The following PGBD5 variants were observed in gnomAD, a reference collection of about 807,000 sequenced individuals.
PGBD5 encodes the protein piggyBac transposable element-derived protein 5.
In PGBD5, 14 loss-of-function variants were observed where a neutral mutation model predicts 47.9. That is an observed-to-expected ratio of 0.29 (90% CI 0.19 to 0.46). The LOEUF is 0.46. PGBD5 is among the 20% of genes least tolerant of loss of function. PGBD5 has a pLI of 1.00. For synonymous variants in PGBD5, 316 were observed against 306.3 expected (o/e 1.03, Z -0.33); for missense variants, 635 against 716.0 (o/e 0.89, Z 1.29).
At chr1:230,324,829 C>T (rs1412091712) in intron 6 of PGBD5, among the ~76,000 whole-genome samples, 1 of 152,208 alleles carries the variant, frequency 6.6e-6, no homozygotes, top group Non-Finnish European at 1.5e-5. Context: ...CATGAGACCA[C>T]ATCTGGTGAT....
At chr1:230,415,400 C>A (rs541861550) in intron 1 of PGBD5, among the ~76,000 whole-genome samples, 14 of 152,328 alleles carry the variant, frequency 9.2e-5, no homozygotes, top group African/African-American at 2.6e-4. Flanking sequence ...CTCTTTGTAA[C>A]CCTGTTTCTC....
intron 1 of PGBD5, among the ~76,000 whole-genome samples, chr1:230,414,210 T>C (rs896277845): frequency 6.6e-6 from 1 of 152,098 alleles, no homozygotes; most frequent in East Asian, 1.9e-4. Context: ...CTCTGGGAGA[T>C]GACAATCTAG....
chr1:230,392,537 GC>G (rs1272279383), intron 1 of PGBD5, among the ~76,000 whole-genome samples: 3 of 152,202 alleles, frequency 2.0e-5, no homozygotes, highest in Admixed American at 1.3e-4. Context: ...GCTCGCAGGA[GC>G]CCTGGGAGGG....
chr1:230,365,092 C>A (rs979744964), intron 1 of PGBD5, among the ~76,000 whole-genome samples: 4 of 149,324 alleles, frequency 2.7e-5, no homozygotes, highest in African/African-American at 9.9e-5. Context: ...GGTGGGTGGA[C>A]CACGAGGTCA....
intron 5 of PGBD5, among the ~76,000 whole-genome samples, chr1:230,330,239 T>G (rs1256865435): frequency 6.6e-6 from 1 of 152,154 alleles, no homozygotes; most frequent in African/African-American, 2.4e-5. Flanking sequence ...AATAAAAAAG[T>G]AGTGCCGGTA....
intron 1 of PGBD5, among the ~76,000 whole-genome samples, chr1:230,392,479 C>G (rs1339035988): frequency 6.6e-6 from 1 of 152,342 alleles, no homozygotes; most frequent in African/African-American, 2.4e-5. Flanking sequence ...TCTTCTCCCC[C>G]TCCAAAGCTG....
At chr1:230,346,163 C>T (rs1667470630) in intron 3 of PGBD5, among the ~76,000 whole-genome samples, 1 of 152,184 alleles carries the variant, frequency 6.6e-6, no homozygotes, top group Non-Finnish European at 1.5e-5. Flanking sequence ...CCGCCTCAGC[C>T]ACCCAAGTAG....
chr1:230,367,947 G>A (rs754947811), intron 1 of PGBD5: 1 of 1,365,946 alleles, frequency 7.3e-7, no homozygotes, highest in Non-Finnish European at 9.8e-7. Context: ...ACGCAAGCTG[G>A]CACACCAAGG....
chr1:230,370,709 T>A (rs1248441920), intron 1 of PGBD5, among the ~76,000 whole-genome samples: 1 of 152,234 alleles, frequency 6.6e-6, no homozygotes, highest in Non-Finnish European at 1.5e-5. Flanking sequence ...CTCTGGAGTC[T>A]CTGCCCTTGA....
intron 1 of PGBD5, among the ~76,000 whole-genome samples, chr1:230,366,750 T>C (rs1667840792): frequency 6.6e-6 from 1 of 152,060 alleles, no homozygotes; most frequent in Admixed American, 6.5e-5. Flanking sequence ...TGGTGCCTGA[T>C]TTCTAGTAAT....
At chr1:230,416,722 G>A (rs1405984758) in intron 1 of PGBD5, among the ~76,000 whole-genome samples, 1 of 152,200 alleles carries the variant, frequency 6.6e-6, no homozygotes. Context: ...GGAAGACCAG[G>A]GTGGACCTAG....
chr1:230,415,902 A>G (rs1014350706), intron 1 of PGBD5, among the ~76,000 whole-genome samples: 1 of 152,222 alleles, frequency 6.6e-6, no homozygotes, highest in African/African-American at 2.4e-5. Flanking sequence ...CAAAGGGACC[A>G]GTCTACTCTT....
intron 1 of PGBD5, among the ~76,000 whole-genome samples, chr1:230,367,451 C>T (rs1667853900): frequency 6.6e-6 from 1 of 152,198 alleles, no homozygotes; most frequent in Admixed American, 6.5e-5. Context: ...CCTGTAATCC[C>T]AGCACTTTGA....
intron 1 of PGBD5, among the ~76,000 whole-genome samples, chr1:230,404,632 ATATAT>A (rs1657253767): frequency 8.2e-5 from 9 of 110,078 alleles, no homozygotes; most frequent in Admixed American, 7.9e-4. Flanking sequence ...AAAAAAAAAT[ATATAT>A]ATATATATAT....
At chr1:230,342,923 T>C (rs1206980029) in intron 3 of PGBD5, among the ~76,000 whole-genome samples, 8 of 152,124 alleles carry the variant, frequency 5.3e-5, no homozygotes, top group Non-Finnish European at 1.5e-5. Flanking sequence ...ACAATGCAAA[T>C]AGTCAACAGT....
chr1:230,407,499 C>T (rs1030875060), intron 1 of PGBD5, among the ~76,000 whole-genome samples: 2 of 152,190 alleles, frequency 1.3e-5, no homozygotes, highest in Admixed American at 1.3e-4. Flanking sequence ...CACATCCAGG[C>T]CTTTGAGTCT....
At position 230,411,678 on chromosome 1, in the gene PGBD5, T is replaced by C. The variant is rs187653755; in HGVS notation, c.331+13920A>G. On this transcript the variant is annotated intron_variant, in intron 1 of 6. Transcript: ENST00000391860. ...AATTATTAACAAATCTGGCTTATGA[T>C]TGATTTGTTACAGAAACTCTGAACT... 8.3e-4 allele frequency among the ~76,000 whole-genome samples: 126 copies of C among 152,340 alleles called. 1 individual carries two copies. Among genetic ancestry groups the C allele is most frequent in the Admixed American group, 2.2e-3 (33 of 15,302 alleles).
rs1667408531 is a variant in PGBD5, at chr1:230,341,589, G to C, written c.895-4301C>G. ...ACACTGGGTTGGGTACTTTCTACAA[G>C]AGCTCCCCAGACACGACACGGAAGG... is the stretch of plus-strand genomic sequence containing the variant. On this transcript the variant is annotated intron_variant, in intron 3 of 6. Coordinates refer to ENST00000391860, the MANE Select transcript of PGBD5 (RefSeq NM_001258311.2). Among the ~76,000 whole-genome samples, 7 of 152,272 alleles carry C rather than the reference G, an allele frequency of 4.6e-5. No individual in the cohort carries two copies. The South Asian group carries it at 1.5e-3, about 32-fold the overall frequency.
chr1:230,339,204 T>C (rs997927171), intron 3 of PGBD5, among the ~76,000 whole-genome samples: 8 of 152,198 alleles, frequency 5.3e-5, no homozygotes, highest in African/African-American at 1.9e-4. Context: ...CTTCCCCACC[T>C]TTTTTAAACC....
Sources: allele counts gnomAD v4.1 joint callset (sites outside exome capture counted in the v4.1 genomes callset), GRCh38; gene constraint gnomAD v4.1.1; transcripts MANE v1.5; gene names NCBI Gene and HGNC (gene_info 2026-07-23, HGNC 2026-07-21).